Variants in PGR observed in about 807,000 individuals in gnomAD.
PGR encodes the protein nuclear receptor subfamily 3 group C member 3.
PGR carries 25 observed loss-of-function variants against 76.1 expected under a neutral mutation model. The ratio of observed to expected loss-of-function variants is 0.33; its 90% CI spans 0.24 to 0.46. PGR has a LOEUF of 0.46. PGR is among the 20% of genes least tolerant of loss of function. The pLI is 1.00. For synonymous variants in PGR, 579 were observed against 535.0 expected (o/e 1.08, Z -1.14); for missense variants, 1,172 against 1,225.3 (o/e 0.96, Z 0.65).
At chr11:101,053,277 T>C (rs1322446265) in intron 4 of PGR, among the ~76,000 whole-genome samples, 1 of 152,198 alleles carries the variant, frequency 6.6e-6, no homozygotes, top group Non-Finnish European at 1.5e-5. Flanking sequence ...ATGTTAATCA[T>C]GTCAAGGTAG....
intron 3 of PGR, among the ~76,000 whole-genome samples, chr11:101,085,518 G>A: frequency 8.0e-5 from 5 of 62,532 alleles, no homozygotes; most frequent in Admixed American, 2.5e-4. Flanking sequence ...ATCACACCTA[G>A]AGGAACTAAA....
intron 6 of PGR, among the ~76,000 whole-genome samples, chr11:101,047,415 C>G (rs149421253): frequency 6.6e-6 from 1 of 152,112 alleles, no homozygotes; most frequent in Admixed American, 6.6e-5. Context: ...CTCTCTGGGC[C>G]GGTTCCACGT....
At chr11:101,052,962 G>A (rs1458548600) in intron 4 of PGR, among the ~76,000 whole-genome samples, 2 of 152,058 alleles carry the variant, frequency 1.3e-5, no homozygotes, top group Non-Finnish European at 1.5e-5. Context: ...CAACATCCTG[G>A]TATCAGCTGC....
chr11:101,071,465 C>T (rs558872746), intron 3 of PGR, among the ~76,000 whole-genome samples: 163 of 151,746 alleles, frequency 1.1e-3, no homozygotes, highest in Non-Finnish European at 1.8e-3. Flanking sequence ...TAAAACTGGA[C>T]GGAGAATGAG....
At chr11:101,087,678 A>G (rs1565351902) in intron 3 of PGR, among the ~76,000 whole-genome samples, 1 of 152,030 alleles carries the variant, frequency 6.6e-6, no homozygotes, top group East Asian at 1.9e-4. Context: ...TTCACAAACT[A>G]TGCCTCCAAC....
At chr11:101,104,224 C>T (rs772694283) in intron 2 of PGR, among the ~76,000 whole-genome samples, 6 of 152,136 alleles carry the variant, frequency 3.9e-5, no homozygotes, top group Non-Finnish European at 7.4e-5. Context: ...TTAGTTTCTT[C>T]TTCAGAATCA....
chr11:101,085,476 A>G (rs972420094), intron 3 of PGR, among the ~76,000 whole-genome samples: 8 of 148,050 alleles, frequency 5.4e-5, no homozygotes, highest in Non-Finnish European at 1.0e-4. Flanking sequence ...CTACCTCAAA[A>G]AGTTAGAAAG....
At chr11:101,105,459 C>CAATTGATTTA (rs1207563490) in intron 2 of PGR, among the ~76,000 whole-genome samples, 2 of 146,136 alleles carry the variant, frequency 1.4e-5, no homozygotes, top group East Asian at 4.1e-4. Context: ...AAGGAGGAGA[C>CAATTGATTTA]AATTGATTTA....
intron 4 of PGR, among the ~76,000 whole-genome samples, chr11:101,052,266 AATCTGTGTGTGTGT>A (rs1860115871): frequency 7.5e-6 from 1 of 133,822 alleles, no homozygotes; most frequent in South Asian, 2.5e-4. Flanking sequence ...AGAGATTTAG[AATCTGTGTGTGTGT>A]GTGTGTGTGT....
rs146230124 is a variant in PGR at position 101,128,961 on chromosome 11, G to A, written c.110C>T (p.Pro37Leu). 41 of 1,606,564 alleles carry A rather than the reference G, an allele frequency of 2.6e-5. No homozygotes were observed. The African/African-American group carries it at 5.3e-4, about 21-fold the overall frequency. ...LLCRPAAGPF[P>L]GSQTSDTLPE... is the part of the protein sequence containing the mutation. ...CAAGGTGTCCGAGGTCTGGCTCCCC[G>A]GGAACGGACCTGCGGCTGGGCGACA... The change falls in exon 1 of 8, where the codon CCG becomes CTG. Residue 37 changes from proline (P) to leucine (L), a missense_variant. Pro to Leu is a moderately conservative substitution (Grantham distance 98). This residue lies in a region of PGR where 893 missense variants were observed against 785.9 expected (regional missense o/e 1.14). Coordinates refer to ENST00000325455, the MANE Select transcript of PGR (RefSeq NM_000926.4).
Position 101,035,849 on chromosome 11 carries a change from A to G in PGR, c.*3267T>C, listed in dbSNP as rs1000869022. On this transcript the variant is annotated 3_prime_UTR_variant, in exon 8 of 8. Coordinates refer to ENST00000325455, the MANE Select transcript of PGR (RefSeq NM_000926.4). ...CATAAATAAAACAGTGAGACTTTCT[A>G]GAATCCTGCTTTCACTGTAGAATAT... 2.0e-4 allele frequency: 46 copies of G among 231,492 alleles called. No individual in the cohort carries two copies. Among genetic ancestry groups the G allele is most frequent in the African/African-American group, 9.7e-4 (44 of 45,260 alleles). The allele number at this position is 231,492 out of a possible 1,614,324, so 14.3% of individuals were successfully genotyped here. A position where few individuals can be genotyped will look rare whatever the true frequency, so the allele number is the denominator to read the frequency against.
chr11:101,116,515 G>A (rs1327858253), intron 2 of PGR, among the ~76,000 whole-genome samples: 1 of 152,120 alleles, frequency 6.6e-6, no homozygotes, highest in African/African-American at 2.4e-5. Flanking sequence ...CAAGGCGGGA[G>A]GATCACCTGA....
chr11:101,057,161 A>G (rs1860326517), intron 4 of PGR, among the ~76,000 whole-genome samples: 1 of 152,180 alleles, frequency 6.6e-6, no homozygotes, highest in South Asian at 2.1e-4. Flanking sequence ...CACAAAGGAG[A>G]CAAGGGAGGG....
At chr11:101,099,867 C>A (rs1433325930) in intron 2 of PGR, among the ~76,000 whole-genome samples, 1 of 152,144 alleles carries the variant, frequency 6.6e-6, no homozygotes, top group East Asian at 1.9e-4. Context: ...ACTTCTCTTC[C>A]CACACGTTGG....
chr11:101,128,168 C>T lies in PGR; in HGVS notation c.903G>A (p.Met301Ile). 6.3e-7 allele frequency: 1 copy of T among 1,598,008 alleles called. No individual in the cohort carries two copies. The highest frequency in any genetic ancestry group is 8.5e-7 in the Non-Finnish European group (1 of 1,179,590). The change falls in exon 1 of 8, where the codon ATG (methionine) becomes ATA (isoleucine). Residue 301 changes from methionine to isoleucine, a missense_variant. Transcript: ENST00000325455. ...GCAGGATAGGCACGTGGATGAAATC[C>T]ATCACCGTGGTGGCCAGCGGGGAGC... ...PGRSPLATTV[M>I]DFIHVPILPL...
At chr11:101,046,073 A>G (rs1223475008) in intron 6 of PGR, among the ~76,000 whole-genome samples, 1 of 151,602 alleles carries the variant, frequency 6.6e-6, no homozygotes, top group African/African-American at 2.4e-5. Context: ...AATTTTTCAT[A>G]GTAAATCCCT....
chr11:101,077,008 C>G (rs1370680184), intron 3 of PGR, among the ~76,000 whole-genome samples: 3 of 136,846 alleles, frequency 2.2e-5, no homozygotes, highest in Admixed American at 1.6e-4. Flanking sequence ...TCTTTGCTAC[C>G]TTGGTCAAGT....
At chr11:101,080,530 T>C (rs1861272607) in intron 3 of PGR, among the ~76,000 whole-genome samples, 1 of 151,794 alleles carries the variant, frequency 6.6e-6, no homozygotes, top group Non-Finnish European at 1.5e-5. Context: ...AGTGCCAATG[T>C]CTCCAGATGA....
intron 6 of PGR, among the ~76,000 whole-genome samples, chr11:101,042,646 G>A (rs1237481089): frequency 1.3e-5 from 2 of 151,958 alleles, no homozygotes; most frequent in African/African-American, 2.4e-5. Flanking sequence ...ATGGGAGAAA[G>A]GTATTAATAT....
Sources: allele counts gnomAD v4.1 joint callset (sites outside exome capture counted in the v4.1 genomes callset), GRCh38; gene constraint gnomAD v4.1.1; regional missense constraint gnomAD v4.1.1; transcripts MANE v1.5; gene names NCBI Gene and HGNC (gene_info 2026-07-23, HGNC 2026-07-21).